Variants in PABPC4L observed in about 807,000 individuals in gnomAD.
The protein encoded by PABPC4L is polyadenylate-binding protein 4-like.
For synonymous variants in PABPC4L, 169 were observed against 164.1 expected (o/e 1.03, Z -0.23); for missense variants, 452 against 451.4 (o/e 1.00, Z -0.01).
chr4:134,123,844 G>T, the PABPC4L span, among the ~76,000 whole-genome samples: 1 of 151,844 alleles, frequency 6.6e-6, no homozygotes, highest in Admixed American at 6.6e-5. Context: ...GTCAAAACAG[G>T]TGTAAATGAT....
the PABPC4L span, among the ~76,000 whole-genome samples, chr4:134,025,026 C>A: frequency 6.7e-6 from 1 of 149,148 alleles, no homozygotes; most frequent in Admixed American, 6.7e-5. Context: ...TCTACCTTGG[C>A]CTGCCAAAGT....
chr4:133,997,085 C>T, the PABPC4L span, among the ~76,000 whole-genome samples: 1 of 152,090 alleles, frequency 6.6e-6, no homozygotes, highest in African/African-American at 2.4e-5. Context: ...TAATTTTTCC[C>T]ACCACCCTGA....
chr4:134,066,855 A>G, the PABPC4L span, among the ~76,000 whole-genome samples: 4 of 152,122 alleles, frequency 2.6e-5, no homozygotes, highest in African/African-American at 9.7e-5. Flanking sequence ...TGATTTGCAT[A>G]TGTTAAACCA....
At chr4:133,990,898 C>A in the PABPC4L span, among the ~76,000 whole-genome samples, 5 of 152,106 alleles carry the variant, frequency 3.3e-5, no homozygotes, top group Admixed American at 2.6e-4. Context: ...TTAATCCTCT[C>A]CTGAAGCTTT....
the PABPC4L span, among the ~76,000 whole-genome samples, chr4:134,134,288 A>T: frequency 6.6e-6 from 1 of 152,048 alleles, no homozygotes; most frequent in African/African-American, 2.4e-5. Flanking sequence ...TTTAAATTTT[A>T]GTCTGATTTC....
chr4:134,115,318 A>G, the PABPC4L span, among the ~76,000 whole-genome samples: 1 of 151,842 alleles, frequency 6.6e-6, no homozygotes, highest in Non-Finnish European at 1.5e-5. Flanking sequence ...ATAGTCTACT[A>G]TGAAAGGTAG....
the PABPC4L span, among the ~76,000 whole-genome samples, chr4:134,121,396 A>T: frequency 2.0e-5 from 3 of 151,624 alleles, no homozygotes; most frequent in African/African-American, 7.3e-5. Context: ...ATTCTGAATG[A>T]TGTTACCTTT....
the PABPC4L span, among the ~76,000 whole-genome samples, chr4:133,949,419 A>G: frequency 2.6e-5 from 4 of 152,146 alleles, no homozygotes; most frequent in Admixed American, 2.6e-4. Flanking sequence ...GCCCCAACCA[A>G]TACTCGGGCT....
chr4:134,038,950 G>T, the PABPC4L span, among the ~76,000 whole-genome samples: 1 of 152,066 alleles, frequency 6.6e-6, no homozygotes, highest in Non-Finnish European at 1.5e-5. Context: ...GCTTTCTCTT[G>T]TAGGCATTTA....
the PABPC4L span, among the ~76,000 whole-genome samples, chr4:134,023,678 C>A: frequency 6.6e-6 from 1 of 151,728 alleles, no homozygotes; most frequent in Admixed American, 6.6e-5. Context: ...AATTAAGAAA[C>A]AAAAGAGGGT....
chr4:134,182,078 C>T, the PABPC4L span, among the ~76,000 whole-genome samples: 1 of 150,504 alleles, frequency 6.6e-6, no homozygotes, highest in African/African-American at 2.4e-5. Context: ...CTACCAAAGA[C>T]ATTCTTCATA....
chr4:134,114,422 G>A, the PABPC4L span, among the ~76,000 whole-genome samples: 3 of 151,762 alleles, frequency 2.0e-5, no homozygotes, highest in South Asian at 4.1e-4. Context: ...TTGTTTTTGG[G>A]AAATCAAAAC....
At chr4:134,147,749 G>GTGGTGT in the PABPC4L span, among the ~76,000 whole-genome samples, 2 of 148,938 alleles carry the variant, frequency 1.3e-5, no homozygotes, top group Non-Finnish European at 3.0e-5. Context: ...GTGTGTGTGT[G>GTGGTGT]TGTTGTTGTT....
At chr4:134,042,638 G>T in the PABPC4L span, among the ~76,000 whole-genome samples, 5 of 152,076 alleles carry the variant, frequency 3.3e-5, no homozygotes, top group Non-Finnish European at 7.4e-5. Context: ...AACAAACTTG[G>T]GTCGAGCTGG....
At chr4:134,185,043 T>A in the PABPC4L span, among the ~76,000 whole-genome samples, 1 of 152,074 alleles carries the variant, frequency 6.6e-6, no homozygotes, top group African/African-American at 2.4e-5. Context: ...TGAGTTTTAA[T>A]AGTTCTTTCT....
the PABPC4L span, among the ~76,000 whole-genome samples, chr4:134,081,608 T>C: frequency 2.6e-5 from 4 of 152,058 alleles, no homozygotes; most frequent in South Asian, 2.1e-4. Context: ...AGGCACCAGA[T>C]TGGGTTCAAA....
chr4:134,100,987 A>G, the PABPC4L span, among the ~76,000 whole-genome samples: 1 of 150,850 alleles, frequency 6.6e-6, no homozygotes, highest in Non-Finnish European at 1.5e-5. Flanking sequence ...AGGAAAATAC[A>G]TATTTCCCAT....
chr4:133,981,116 G>C, the PABPC4L span, among the ~76,000 whole-genome samples: 22 of 151,796 alleles, frequency 1.4e-4, no homozygotes, highest in African/African-American at 5.3e-4. Context: ...AGTGGAGATC[G>C]TGCCATTGCA....
chr4:133,995,602 G>T, the PABPC4L span, among the ~76,000 whole-genome samples: 6 of 152,268 alleles, frequency 3.9e-5, no homozygotes, highest in Admixed American at 2.0e-4. Flanking sequence ...ATTTATAAAA[G>T]ATCTCTGTTG....
Sources: gnomAD v4.1 joint callset for allele counts (sites outside exome capture counted in the v4.1 genomes callset) on GRCh38, gnomAD v4.1.1 for gene constraint, MANE v1.5 for transcripts, NCBI Gene and HGNC (gene_info 2026-07-23, HGNC 2026-07-21) for gene names.